CHID1: variants seen among roughly 807,000 people sequenced by gnomAD.
CHID1 encodes chitinase domain containing 1.
CHID1 carries 44 observed loss-of-function variants against 55.4 expected under a neutral mutation model. The observed-to-expected ratio is 0.79, with a 90% confidence interval of 0.62 to 1.02. CHID1 has a LOEUF of 1.02. Ranked by LOEUF, CHID1 falls within the 50% of genes least tolerant of loss-of-function variation. CHID1 has a pLI of 0.00. For synonymous variants in CHID1, 216 were observed against 212.9 expected (o/e 1.01, Z -0.13); for missense variants, 491 against 515.3 (o/e 0.95, Z 0.46).
chr11:871,491 C>T (rs1849170889), intron 10 of CHID1, among the ~76,000 whole-genome samples: 1 of 152,290 alleles, frequency 6.6e-6, no homozygotes, highest in Non-Finnish European at 1.5e-5. Flanking sequence ...AGTGTGTGCA[C>T]ATCTCACACT....
chr11:901,675 G>A (rs1046367185), intron 4 of CHID1, among the ~76,000 whole-genome samples: 9 of 152,240 alleles, frequency 5.9e-5, no homozygotes, highest in East Asian at 3.9e-4. Context: ...TCCTGCACAC[G>A]CCTGTGTGCA....
At chr11:882,269 G>A (rs2134168368) in intron 10 of CHID1, 1 of 152,360 alleles carries the variant, frequency 6.6e-6, no homozygotes, top group Admixed American at 6.5e-5. Context: ...AGCTTGCAGT[G>A]AGCCAAGATT....
chr11:910,653 G>A, intron 1 of CHID1, 122 bp downstream of exon 1: 1 of 1,267,642 alleles, frequency 7.9e-7, no homozygotes, highest in Non-Finnish European at 1.0e-6. Context: ...GCCCGGCGTC[G>A]CCCGCGACCC....
chr11:910,732 C>G, intron 1 of CHID1, 43 bp downstream of exon 1: 1 of 1,234,968 alleles, frequency 8.1e-7, no homozygotes, highest in Non-Finnish European at 1.0e-6. Flanking sequence ...AAACTGAGGC[C>G]GTGCAAGGAG....
chr11:884,073 C>T lies in CHID1; in HGVS notation c.798G>A (p.Ala266=), dbSNP rs375089194. ...FSLMTYDYST[A]HQPGPNAPLS... is the part of the protein sequence containing the mutation. ...CCCCCCAAGCCCACACTCACTGATG[C>T]GCTGTAGAGTAGTCGTAGGTCATGA... Residue 266 remains alanine, a synonymous_variant, in exon 9 of 13, where the codon GCG becomes GCA. Transcript: ENST00000323578. 118 of 1,612,914 alleles carry T rather than the reference C, an allele frequency of 7.3e-5. No individual in the cohort carries two copies. The highest frequency in any genetic ancestry group is 9.6e-5 in the Non-Finnish European group (113 of 1,179,058).
At position 875,871 on chromosome 11, in the gene CHID1, C is replaced by T. The variant is rs940357013; in HGVS notation, c.960-5372G>A. ...GCGGGTGACAGACAGGATGAAGGAA[C>T]GATGGGCTCCACTCTGCAGAGGACA... On this transcript the variant is annotated intron_variant, in intron 10 of 12. Coordinates refer to ENST00000323578, the MANE Select transcript of CHID1 (RefSeq NM_023947.4). This position sits in a 1 kb window ranked among gnomAD's most constrained non-coding sequence, Gnocchi z 4.7. Among the ~76,000 whole-genome samples the T allele has an allele frequency of 6.6e-5, 10 of 152,230 alleles. No homozygotes were observed. The highest frequency in any genetic ancestry group is 3.4e-3 in the Middle Eastern group (1 of 294).
upstream of CHID1, among the ~76,000 whole-genome samples, chr11:913,112 A>G (rs899283560): frequency 6.6e-6 from 1 of 151,008 alleles, no homozygotes; most frequent in Non-Finnish European, 1.5e-5. Flanking sequence ...TGTAATCCCA[A>G]TGCTTTGGGA....
Position 889,858 on chromosome 11 carries a change from G to A in CHID1, c.701+3569C>T, listed in dbSNP as rs143425459. On this transcript the variant is annotated intron_variant, in intron 8 of 12. Coordinates refer to ENST00000323578, the MANE Select transcript of CHID1 (RefSeq NM_023947.4). ...AGGGCATCTGCCCCCAGCAGCCAGC[G>A]GCCACAGCTGTTCCTCCACCCACAG... Among the ~76,000 whole-genome samples the A allele has an allele frequency of 9.9e-4, 151 of 152,316 alleles. 2 individuals carry two copies. In the East Asian group the frequency reaches 0.024, roughly 25 times the overall value.
chr11:870,094 CG>C (rs141753287), intron 12 of CHID1, 26 bp downstream of exon 12: 44,285 of 1,612,606 alleles, frequency 0.027, 909 homozygotes, highest in African/African-American at 0.083. Context: ...ACCCCTCCCC[CG>C]GTCCCACGGC....
chr11:885,486 T>C (rs1352501692), intron 8 of CHID1, among the ~76,000 whole-genome samples: 2 of 152,104 alleles, frequency 1.3e-5, no homozygotes, highest in Non-Finnish European at 2.9e-5. Flanking sequence ...CCCCGACCTC[T>C]TTTCCTGATG....
chr11:888,907 G>A (rs920740885), intron 8 of CHID1, among the ~76,000 whole-genome samples: 4 of 152,136 alleles, frequency 2.6e-5, no homozygotes, highest in East Asian at 1.9e-4. Context: ...ACTTGGCCTC[G>A]ATTGGACCCC....
intron 4 of CHID1, among the ~76,000 whole-genome samples, chr11:901,752 C>T (rs574743011): frequency 3.9e-5 from 6 of 152,306 alleles, no homozygotes; most frequent in Admixed American, 6.5e-5. Flanking sequence ...GGGCGGAACA[C>T]TCTGAGGCAC....
chr11:891,337 C>T (rs1413598784), intron 8 of CHID1, among the ~76,000 whole-genome samples: 3 of 152,192 alleles, frequency 2.0e-5, no homozygotes, highest in Non-Finnish European at 4.4e-5. Flanking sequence ...TCACCGTGCC[C>T]GTAGCCCTGG....
At chr11:878,029 C>T (rs1215751983) in intron 10 of CHID1, among the ~76,000 whole-genome samples, 1 of 152,250 alleles carries the variant, frequency 6.6e-6, no homozygotes, top group African/African-American at 2.4e-5. Context: ...CACGGACACC[C>T]TGCACCACCT....
rs567247802 is a variant in CHID1 at position 878,151 on chromosome 11, C to T, written c.959+4997G>A. On this transcript the variant is annotated intron_variant, in intron 10 of 12. Transcript: ENST00000323578. ...ACTCCTGTCTGGGTGCAGAGGCTCA[C>T]GCCTGTAATCCCAGCACTTTGGGAA... Among the ~76,000 whole-genome samples the T allele has an allele frequency of 4.6e-5, 7 of 152,344 alleles. No individual in the cohort carries two copies. In the South Asian group the frequency reaches 6.2e-4, roughly 14 times the overall value.
At chr11:912,433 C>G (rs1290983788), upstream of CHID1, among the ~76,000 whole-genome samples, 1 of 152,252 alleles carries the variant, frequency 6.6e-6, no homozygotes, top group Admixed American at 6.5e-5. Flanking sequence ...AGCCAGGCCC[C>G]TCTGCAGAGC....
chr11:871,054 G>A (rs751932245), intron 10 of CHID1, among the ~76,000 whole-genome samples: 7 of 149,036 alleles, frequency 4.7e-5, no homozygotes, highest in South Asian at 2.1e-4. Flanking sequence ...ACAGTCGTGC[G>A]ATCTTGGTTC....
intron 8 of CHID1, among the ~76,000 whole-genome samples, chr11:886,680 A>G (rs1037387020): frequency 5.9e-5 from 9 of 152,236 alleles, no homozygotes; most frequent in African/African-American, 2.2e-4. Context: ...CGACTGCACC[A>G]GGAAGAGGCC....
chr11:876,330 G>T (rs1456440519), intron 10 of CHID1, among the ~76,000 whole-genome samples: 1 of 152,200 alleles, frequency 6.6e-6, no homozygotes, highest in Non-Finnish European at 1.5e-5. Context: ...CACCTGTCCA[G>T]GGCAGGACCA....
Sources: gnomAD v4.1 joint callset for allele counts (sites outside exome capture counted in the v4.1 genomes callset) on GRCh38, gnomAD v4.1.1 for gene constraint, Gnocchi (gnomAD v3.1) non-coding constraint, MANE v1.5 for transcripts, NCBI Gene and HGNC (gene_info 2026-07-23, HGNC 2026-07-21) for gene names.